Variants in ADGRA1 observed in about 807,000 individuals in gnomAD.
ADGRA1 encodes the protein adhesion G protein-coupled receptor A1.
ADGRA1 carries 12 observed loss-of-function variants against 21.3 expected under a neutral mutation model. That is an observed-to-expected ratio of 0.56 (90% CI 0.36 to 0.91). ADGRA1 has a LOEUF of 0.91. ADGRA1 is among the 40% of genes least tolerant of loss of function. The pLI is 0.01. For synonymous variants in ADGRA1, 385 were observed against 368.8 expected, an observed-to-expected ratio of 1.04 and a Z score of -0.50; for missense variants, 790 against 805.6, an observed-to-expected ratio of 0.98 and a Z score of 0.23.
intron 2 of ADGRA1, chr10:133,092,876 G>GGAAGGAAGGAAGGAAA: frequency 6.8e-7 from 1 of 1,471,060 alleles, no homozygotes; most frequent in Non-Finnish European, 9.2e-7. Flanking sequence ...AAGGAAGGAA[G>GGAAGGAAGGAAGGAAA]GAAATGAAGG....
chr10:133,102,923 C>A, intron 5 of ADGRA1, 81 bp downstream of exon 5: 1 of 1,445,990 alleles, frequency 6.9e-7, no homozygotes, highest in Non-Finnish European at 9.4e-7. Flanking sequence ...GGCAAACCTT[C>A]TCACCAGGCC....
chr10:133,111,168 G>GCCCC lies in ADGRA1; in HGVS notation c.401+8329_401+8330insCCCC, dbSNP rs369399011. On this transcript the variant is annotated intron_variant, in intron 5 of 6. Transcript: ENST00000392607. ...CTCTCCTAATCCCACCAGACCACCT[G>GCCCC]CCCGCCGTGAGCACCTCCCTCCTAA... Among the ~76,000 whole-genome samples, 10 of 135,532 alleles carry GCCCC rather than the reference G, an allele frequency of 7.4e-5. 1 individual carries two copies. Among genetic ancestry groups the GCCCC allele is most frequent in the African/African-American group, 1.5e-4 (5 of 32,962 alleles). The allele number at this position is 135,532 out of a possible 152,430, so 88.9% of individuals were successfully genotyped here. A position where few individuals can be genotyped will look rare whatever the true frequency, so the allele number is the denominator to read the frequency against.
At chr10:133,097,168 T>C in intron 3 of ADGRA1, 67 bp downstream of exon 3, 1 of 1,573,828 alleles carries the variant, frequency 6.4e-7, no homozygotes, top group Admixed American at 1.7e-5. Flanking sequence ...CAAAGGCAAG[T>C]CCCTGAAGGG....
intron 5 of ADGRA1, among the ~76,000 whole-genome samples, chr10:133,110,946 C>G (rs1254133120): frequency 6.6e-6 from 1 of 152,168 alleles, no homozygotes; most frequent in East Asian, 1.9e-4. Context: ...AGCACCTGCT[C>G]CAATGTGAGC....
chr10:133,131,178 G>A lies in ADGRA1; in HGVS notation c.*1667G>A, dbSNP rs1174584741. ...ACTGGCACTCAGTATCTGAGTATGA[G>A]GAGCCTCACTTCCCGGGGTGTCGGT... On this transcript the variant is annotated 3_prime_UTR_variant, in exon 7 of 7. Transcript: ENST00000392607. The A allele has an allele frequency of 6.6e-6, 1 of 152,154 alleles. No individual in the cohort carries two copies. 9.4% of individuals were successfully genotyped at this position (152,154 alleles called of 1,614,324 possible).
chr10:133,090,047 A>G (rs937536196), intron 2 of ADGRA1, among the ~76,000 whole-genome samples: 1 of 152,204 alleles, frequency 6.6e-6, no homozygotes, highest in East Asian at 1.9e-4. Flanking sequence ...TTCAGCCTCA[A>G]ATTGAGACCC....
At chr10:133,102,496 G>T (rs1278884254) in intron 4 of ADGRA1, among the ~76,000 whole-genome samples, 3 of 152,228 alleles carry the variant, frequency 2.0e-5, no homozygotes, top group African/African-American at 7.2e-5. Context: ...GAGGAAAGCT[G>T]AGCCGCTCAA....
chr10:133,109,334 C>CG (rs1319977239), intron 5 of ADGRA1, among the ~76,000 whole-genome samples: 7 of 152,056 alleles, frequency 4.6e-5, no homozygotes, highest in Admixed American at 4.6e-4. Context: ...CTGACCCCAG[C>CG]GGGCCTCCAG....
intron 5 of ADGRA1, among the ~76,000 whole-genome samples, chr10:133,115,555 G>A (rs1346744834): frequency 6.6e-6 from 1 of 152,210 alleles, no homozygotes; most frequent in African/African-American, 2.4e-5. Context: ...TGGCAGAAGG[G>A]CGCGCAGTGC....
chr10:133,121,022 T>C (rs117750776), intron 5 of ADGRA1, among the ~76,000 whole-genome samples: 1 of 152,234 alleles, frequency 6.6e-6, no homozygotes, highest in Non-Finnish European at 1.5e-5. Context: ...AGGAGGGAGA[T>C]GGGGAACAGC....
chr10:133,099,477 GC>G, intron 4 of ADGRA1, among the ~76,000 whole-genome samples: 1 of 152,276 alleles, frequency 6.6e-6, no homozygotes, highest in Non-Finnish European at 1.5e-5. Context: ...TGCAGGGAGA[GC>G]TGGAGAGCAC....
intron 5 of ADGRA1, among the ~76,000 whole-genome samples, chr10:133,126,490 C>T (rs908891610): frequency 1.2e-4 from 18 of 152,144 alleles, no homozygotes; most frequent in Non-Finnish European, 1.5e-5. Context: ...GTCTCTGAGC[C>T]GGCCCCTAGG....
chr10:133,128,806 CGCCCACCCCG>C lies in ADGRA1; in HGVS notation c.979_988del (p.Ala327HisfsTer35). The C allele has an allele frequency of 6.2e-7, 1 of 1,607,324 alleles. No individual in the cohort carries two copies. The highest frequency in any genetic ancestry group is 1.1e-5 in the South Asian group (1 of 90,688). ...GGGCATGCTGCCCGCCCCGCAAGGA[CGCCCACCCCG>C]CACTTGACGCCAACGGGGCCGCGCT... On this transcript the variant is annotated frameshift_variant, in exon 7 of 7. Transcript: ENST00000392607. LOFTEE classifies it low-confidence loss of function (END_TRUNC).
At chr10:133,100,328 C>T (rs1851768240) in intron 4 of ADGRA1, among the ~76,000 whole-genome samples, 1 of 152,250 alleles carries the variant, frequency 6.6e-6, no homozygotes, top group Non-Finnish European at 1.5e-5. Flanking sequence ...CATTGACGTC[C>T]CGCCTGTAAG....
chr10:133,114,014 G>A (rs895905115), intron 5 of ADGRA1, among the ~76,000 whole-genome samples: 2 of 152,196 alleles, frequency 1.3e-5, no homozygotes, highest in Non-Finnish European at 2.9e-5. Flanking sequence ...ACACTTTGGC[G>A]GTCCCCTGAC....
At chr10:133,088,961 CG>C (rs773304147) in intron 2 of ADGRA1, 49 bp downstream of exon 2, 6 of 1,235,850 alleles carry the variant, frequency 4.9e-6, no homozygotes, top group Non-Finnish European at 6.1e-6. Flanking sequence ...TAGGCCGCTG[CG>C]GGGGGGCGGC....
chr10:133,091,459 G>A (rs1851594601), intron 2 of ADGRA1, among the ~76,000 whole-genome samples: 1 of 152,240 alleles, frequency 6.6e-6, no homozygotes, highest in South Asian at 2.1e-4. Context: ...ATATTTAGGT[G>A]CAGCTGGGAG....
intron 5 of ADGRA1, among the ~76,000 whole-genome samples, chr10:133,126,761 G>T (rs566164042): frequency 6.6e-6 from 1 of 152,180 alleles, no homozygotes; most frequent in Non-Finnish European, 1.5e-5. Context: ...TCGGCCCTCC[G>T]ACCTTCTTCC....
intron 5 of ADGRA1, among the ~76,000 whole-genome samples, chr10:133,126,130 A>T (rs1852370963): frequency 6.6e-6 from 1 of 152,222 alleles, no homozygotes; most frequent in Non-Finnish European, 1.5e-5. Flanking sequence ...CCCACCGTGC[A>T]GGTCTGGTTG....
Sources: allele counts gnomAD v4.1 joint callset (sites outside exome capture counted in the v4.1 genomes callset), GRCh38; gene constraint gnomAD v4.1.1; transcripts MANE v1.5; gene names NCBI Gene and HGNC (gene_info 2026-07-23, HGNC 2026-07-21).